GALNTL5: variants seen among roughly 807,000 people sequenced by gnomAD.
GALNTL5 encodes the protein inactive polypeptide N-acetylgalactosaminyltransferase-like protein 5.
Under a neutral mutation model 51.0 loss-of-function variants are expected in GALNTL5, and 44 were observed. The ratio of observed to expected loss-of-function variants is 0.86; its 90% CI spans 0.68 to 1.11. The LOEUF is 1.11. GALNTL5 is among the 50% of genes least tolerant of loss of function. The pLI, the probability that GALNTL5 is intolerant of heterozygous loss-of-function variation, is 0.00. For missense variants in GALNTL5, 528 were observed against 531.8 expected (o/e 0.99, Z 0.07); for synonymous variants, 192 against 182.8 (o/e 1.05, Z -0.41).
At chr7:152,008,228 A>T (rs1210510355) in intron 7 of GALNTL5, among the ~76,000 whole-genome samples, 1 of 128,836 alleles carries the variant, frequency 7.8e-6, no homozygotes, top group Admixed American at 8.0e-5. Flanking sequence ...AGCCTCAGCA[A>T]CATAGCAAGA....
intron 3 of GALNTL5, among the ~76,000 whole-genome samples, chr7:151,980,969 T>A (rs1326814843): frequency 1.3e-5 from 2 of 151,902 alleles, no homozygotes; most frequent in South Asian, 4.2e-4. Context: ...ATGGTCTCGA[T>A]CTCCTGACCT....
chr7:151,999,844 G>C (rs151236249), intron 5 of GALNTL5, among the ~76,000 whole-genome samples: 5 of 152,304 alleles, frequency 3.3e-5, no homozygotes, highest in Admixed American at 6.5e-5. Flanking sequence ...TTTGGTTGAG[G>C]CATGAAAATC....
At chr7:151,982,964 T>C in intron 3 of GALNTL5, 22 bp from the exon 4 acceptor site, 1 of 1,614,014 alleles carries the variant, frequency 6.2e-7, no homozygotes, top group Non-Finnish European at 8.5e-7. Context: ...GATGGTTTTC[T>C]TCATATTGCT....
At chr7:151,995,686 G>T (rs1336800461) in intron 5 of GALNTL5, among the ~76,000 whole-genome samples, 4 of 151,574 alleles carry the variant, frequency 2.6e-5, no homozygotes, top group African/African-American at 7.3e-5. Context: ...TTGGCATTAT[G>T]TACTAAATAA....
At chr7:151,967,074 C>A in intron 1 of GALNTL5, 134 bp from the exon 2 acceptor site, 1 of 569,108 alleles carries the variant, frequency 1.8e-6, no homozygotes, top group Non-Finnish European at 3.1e-6. Flanking sequence ...GAAATAAGGA[C>A]ACACTTTATG....
chr7:151,965,211 C>G (rs1278702870), intron 1 of GALNTL5, among the ~76,000 whole-genome samples: 1 of 152,226 alleles, frequency 6.6e-6, no homozygotes, highest in African/African-American at 2.4e-5. Context: ...GGGTTAGCAG[C>G]CTTGTTTCCA....
chr7:151,977,948 G>A (rs1448261426), intron 3 of GALNTL5, among the ~76,000 whole-genome samples: 2 of 151,884 alleles, frequency 1.3e-5, no homozygotes, highest in Non-Finnish European at 2.9e-5. Context: ...CTCTTTTTAA[G>A]TTTGATGTGC....
rs557049128 is a variant in GALNTL5, at chr7:151,974,987, G to A, written c.368+3922G>A. 2.4e-4 allele frequency among the ~76,000 whole-genome samples: 36 copies of A among 152,258 alleles called. 1 individual carries two copies. The South Asian group carries it at 6.8e-3, about 29-fold the overall frequency. On this transcript the variant is annotated intron_variant, in intron 3 of 8. Transcript: ENST00000392800. The stretch of plus-strand genomic sequence containing the variant: ...CTAAGAGCAACTACCACTATCTGGA[G>A]TCCAACCAGATTTTTAGCCATTATT...
At chr7:151,961,451 T>C (rs34012876) in intron 1 of GALNTL5, among the ~76,000 whole-genome samples, 46,527 of 151,520 alleles carry the variant, frequency 0.31, 8,453 homozygotes, top group African/African-American at 0.49. Context: ...GTCAAGGCTG[T>C]AGTGAGCCAA....
At chr7:151,964,979 G>C (rs1248304701) in intron 1 of GALNTL5, among the ~76,000 whole-genome samples, 1 of 152,194 alleles carries the variant, frequency 6.6e-6, no homozygotes, top group Non-Finnish European at 1.5e-5. Context: ...CATATTCTAA[G>C]TGACACTCTT....
chr7:151,979,317 T>G (rs2081248585), intron 3 of GALNTL5, among the ~76,000 whole-genome samples: 1 of 144,192 alleles, frequency 6.9e-6, no homozygotes, highest in Non-Finnish European at 1.5e-5. Flanking sequence ...GGTTTCACCA[T>G]GTTAGCCAGG....
At chr7:151,976,721 TGTA>T (rs1222843262) in intron 3 of GALNTL5, among the ~76,000 whole-genome samples, 1 of 152,106 alleles carries the variant, frequency 6.6e-6, no homozygotes, top group Non-Finnish European at 1.5e-5. Flanking sequence ...TGGGCTGGAG[TGTA>T]GTGGCACGAT....
At chr7:151,970,029 G>A (rs1055056362) in intron 2 of GALNTL5, among the ~76,000 whole-genome samples, 2 of 151,542 alleles carry the variant, frequency 1.3e-5, no homozygotes, top group Non-Finnish European at 2.9e-5. Context: ...CCAGGATGGT[G>A]TTGATCTCCT....
At chr7:151,987,439 C>T (rs1312173186) in intron 5 of GALNTL5, among the ~76,000 whole-genome samples, 158 bp downstream of exon 5, 8 of 152,176 alleles carry the variant, frequency 5.3e-5, no homozygotes, top group Non-Finnish European at 1.2e-4. Context: ...CTTCTTTTGC[C>T]TCTGAAAGTG....
chr7:151,969,869 C>G (rs1240532529), intron 2 of GALNTL5, among the ~76,000 whole-genome samples: 1 of 152,180 alleles, frequency 6.6e-6, no homozygotes, highest in African/African-American at 2.4e-5. Context: ...TGCAGTGGCA[C>G]GATCTCGGCT....
chr7:151,983,757 G>A (rs2081326561), intron 4 of GALNTL5, among the ~76,000 whole-genome samples: 1 of 152,214 alleles, frequency 6.6e-6, no homozygotes, highest in African/African-American at 2.4e-5. Flanking sequence ...AATGATCTAG[G>A]TGGAGAGGAA....
chr7:151,998,874 T>TA (rs549366544), intron 5 of GALNTL5, among the ~76,000 whole-genome samples: 15 of 151,330 alleles, frequency 9.9e-5, no homozygotes, highest in Admixed American at 4.6e-4. Flanking sequence ...CACCAGCGAT[T>TA]AAAAAAAAAT....
At chr7:151,957,291 C>G (rs2080937404) in intron 1 of GALNTL5, among the ~76,000 whole-genome samples, 1 of 151,204 alleles carries the variant, frequency 6.6e-6, no homozygotes, top group Non-Finnish European at 1.5e-5. Context: ...TGCCTGTAAT[C>G]CCAGCACTTT....
Position 152,018,976 on chromosome 7 carries a change from T to C in GALNTL5, c.1177-670T>C, listed in dbSNP as rs2081854373. Reference sequence around the variant, plus strand: ...TTCAGTCTACTTAGAATACCTTTTTTCAACATGGGGCCAACAGAGTCCATT... The same window carrying C: ...TTCAGTCTACTTAGAATACCTTTTTCCAACATGGGGCCAACAGAGTCCATT... On this transcript the variant is annotated intron_variant, in intron 8 of 8. Coordinates refer to ENST00000392800, the MANE Select transcript of GALNTL5 (RefSeq NM_145292.4). 2.0e-5 allele frequency among the ~76,000 whole-genome samples: 3 copies of C among 152,196 alleles called. No homozygotes were observed. The South Asian group carries it at 6.2e-4, about 32-fold the overall frequency.
Sources: allele counts gnomAD v4.1 joint callset (sites outside exome capture counted in the v4.1 genomes callset), GRCh38; gene constraint gnomAD v4.1.1; transcripts MANE v1.5; gene names NCBI Gene and HGNC (gene_info 2026-07-23, HGNC 2026-07-21).